Variants in WWOX observed in about 807,000 individuals in gnomAD.
WWOX encodes WW domain-containing oxidoreductase.
A neutral mutation model predicts 46.2 loss-of-function variants in WWOX; 69 were observed. The observed-to-expected ratio is 1.49, with a 90% confidence interval of 1.23 to 1.82. WWOX has a LOEUF of 1.82. Ranked by LOEUF, WWOX falls within the 40% of genes most tolerant of loss-of-function variation. WWOX has a pLI of 0.00. For missense variants in WWOX, 919 were observed against 542.6 expected, an observed-to-expected ratio of 1.69 and a Z score of -6.89; for synonymous variants, 359 against 202.6, an observed-to-expected ratio of 1.77 and a Z score of -6.56.
chr16:79,081,114 G>A (rs190918120), intron 8 of WWOX, among the ~76,000 whole-genome samples: 8 of 152,254 alleles, frequency 5.3e-5, no homozygotes, highest in East Asian at 1.9e-4. Context: ...TCCATCCCCT[G>A]TGTGGAGATA....
At chr16:79,073,498 A>G (rs964733504) in intron 8 of WWOX, among the ~76,000 whole-genome samples, 9 of 152,216 alleles carry the variant, frequency 5.9e-5, no homozygotes, top group Non-Finnish European at 1.0e-4. Context: ...ATAGAGTTAT[A>G]TGGATTTATC....
chr16:78,667,832 G>A (rs1050388957), intron 8 of WWOX, among the ~76,000 whole-genome samples: 3 of 152,066 alleles, frequency 2.0e-5, no homozygotes, highest in Admixed American at 2.0e-4. Flanking sequence ...TATGCTATAA[G>A]GCATCAGTGG....
intron 8 of WWOX, among the ~76,000 whole-genome samples, chr16:78,441,439 A>G (rs1025720796): frequency 1.3e-5 from 2 of 152,180 alleles, no homozygotes; most frequent in African/African-American, 4.8e-5. Context: ...GAATGTGTAA[A>G]TACGTAAAAG....
At chr16:78,795,447 A>C (rs1463485455) in intron 8 of WWOX, among the ~76,000 whole-genome samples, 1 of 152,068 alleles carries the variant, frequency 6.6e-6, no homozygotes, top group African/African-American at 2.4e-5. Flanking sequence ...GACTACAACT[A>C]GTACTTGTCT....
At chr16:78,818,512 C>G (rs1056671774) in intron 8 of WWOX, among the ~76,000 whole-genome samples, 2 of 152,332 alleles carry the variant, frequency 1.3e-5, no homozygotes, top group South Asian at 2.1e-4. Flanking sequence ...AAGAGGATCA[C>G]TTGAAGCCAG....
At chr16:78,100,505 C>T (rs2031703640) in intron 1 of WWOX, among the ~76,000 whole-genome samples, 1 of 152,232 alleles carries the variant, frequency 6.6e-6, no homozygotes, top group African/African-American at 2.4e-5. Context: ...CCACCTGCCT[C>T]AGCCTCCAGA....
At chr16:78,265,652 T>C (rs2079346497) in intron 5 of WWOX, among the ~76,000 whole-genome samples, 1 of 147,142 alleles carries the variant, frequency 6.8e-6, no homozygotes, top group Non-Finnish European at 1.5e-5. Flanking sequence ...CACTCCAGCC[T>C]GGGCAACAAG....
intron 8 of WWOX, among the ~76,000 whole-genome samples, chr16:78,995,828 G>A (rs549863752): frequency 6.6e-6 from 1 of 152,194 alleles, no homozygotes; most frequent in Non-Finnish European, 1.5e-5. Flanking sequence ...GGAGACCCGA[G>A]GTGGCCTGAA....
At chr16:78,996,784 C>T (rs977692163) in intron 8 of WWOX, among the ~76,000 whole-genome samples, 16 of 152,154 alleles carry the variant, frequency 1.1e-4, no homozygotes, top group East Asian at 3.9e-4. Flanking sequence ...CCACCTGCCT[C>T]GTATGGAAAA....
chr16:78,128,465 A>G (rs1003956708), intron 4 of WWOX, among the ~76,000 whole-genome samples: 4 of 152,176 alleles, frequency 2.6e-5, no homozygotes, highest in African/African-American at 4.8e-5. Flanking sequence ...ACAGGTGGAA[A>G]TGTTGCGAGT....
At chr16:78,315,653 A>C (rs4888778) in intron 5 of WWOX, among the ~76,000 whole-genome samples, 3 of 151,898 alleles carry the variant, frequency 2.0e-5, no homozygotes, top group Non-Finnish European at 4.4e-5. Flanking sequence ...GTCTCAAAAA[A>C]GAATAAAAAT....
chr16:78,329,992 C>T (rs1049980817), intron 5 of WWOX, among the ~76,000 whole-genome samples: 1 of 152,028 alleles, frequency 6.6e-6, no homozygotes, highest in African/African-American at 2.4e-5. Flanking sequence ...TGGCCTCAAG[C>T]GATCCTCCAG....
chr16:79,040,148 A>T (rs551598300), intron 8 of WWOX, among the ~76,000 whole-genome samples: 2 of 152,220 alleles, frequency 1.3e-5, no homozygotes, highest in South Asian at 4.2e-4. Context: ...CTTGGAATGG[A>T]TCCTGGCATA....
intron 8 of WWOX, among the ~76,000 whole-genome samples, chr16:78,597,003 C>G (rs1393637778): frequency 6.6e-6 from 1 of 152,168 alleles, no homozygotes; most frequent in Admixed American, 6.5e-5. Context: ...ATCCTTTGAG[C>G]CTCCAGCATG....
At chr16:78,569,254 A>C (rs984612973) in intron 8 of WWOX, among the ~76,000 whole-genome samples, 2 of 152,200 alleles carry the variant, frequency 1.3e-5, no homozygotes, top group Non-Finnish European at 2.9e-5. Context: ...GTCTCTCTAT[A>C]TTGTTATTAA....
intron 8 of WWOX, among the ~76,000 whole-genome samples, chr16:78,763,035 C>G (rs1053401304): frequency 6.6e-6 from 1 of 152,148 alleles, no homozygotes; most frequent in East Asian, 1.9e-4. Context: ...GAGTACGACT[C>G]TGGGACTTAC....
intron 8 of WWOX, among the ~76,000 whole-genome samples, chr16:79,174,726 G>C (rs573972487): frequency 6.6e-6 from 1 of 152,190 alleles, no homozygotes; most frequent in Admixed American, 6.5e-5. Flanking sequence ...ATGAAGCCTA[G>C]ATGGTTCTTT....
At chr16:78,501,518 C>G (rs912556109) in intron 8 of WWOX, among the ~76,000 whole-genome samples, 2 of 151,744 alleles carry the variant, frequency 1.3e-5, no homozygotes, top group Non-Finnish European at 2.9e-5. Flanking sequence ...TACGTTAGAA[C>G]CACCTGAGAA....
At chr16:79,186,946 G>C (rs1046667345) in intron 8 of WWOX, among the ~76,000 whole-genome samples, 1 of 152,206 alleles carries the variant, frequency 6.6e-6, no homozygotes, top group Non-Finnish European at 1.5e-5. Context: ...GACATGTGGA[G>C]TGACAGGTGT....
Sources: gnomAD v4.1 joint callset for allele counts (sites outside exome capture counted in the v4.1 genomes callset) on GRCh38, gnomAD v4.1.1 for gene constraint, MANE v1.5 for transcripts, NCBI Gene and HGNC (gene_info 2026-07-23, HGNC 2026-07-21) for gene names.